The following MAPK8IP2 variants were observed in gnomAD, a reference collection of about 807,000 sequenced individuals.
The protein encoded by MAPK8IP2 is C-Jun-amino-terminal kinase-interacting protein 2.
A neutral mutation model predicts 75.6 loss-of-function variants in MAPK8IP2; 15 were observed. The ratio of observed to expected loss-of-function variants is 0.20; its 90% CI spans 0.13 to 0.31. MAPK8IP2 has a LOEUF of 0.31. Ranked by LOEUF, MAPK8IP2 falls within the 10% of genes least tolerant of loss-of-function variation. The probability of loss-of-function intolerance (pLI) is 1.00; values close to 1 mark genes in which losing one functional copy is unlikely to be tolerated. For synonymous variants in MAPK8IP2, 632 were observed against 554.5 expected (o/e 1.14, Z -1.96); for missense variants, 1,089 against 1,211.2 (o/e 0.90, Z 1.50).
intron 9 of MAPK8IP2, 50 bp downstream of exon 9, chr22:50,606,815 C>T (rs2071060028): frequency 6.3e-7 from 1 of 1,591,646 alleles, no homozygotes; most frequent in Non-Finnish European, 8.6e-7. Context: ...AGGGTTAGGC[C>T]ACGGAGTCCG....
intron 10 of MAPK8IP2, chr22:50,609,869 A>G (rs766258232): frequency 1.9e-6 from 1 of 528,762 alleles, no homozygotes. Flanking sequence ...GGCAGGAGAT[A>G]TGGTCTCCAG....
At chr22:50,608,382 A>G (rs1329060541) in intron 10 of MAPK8IP2, among the ~76,000 whole-genome samples, 3 of 130,644 alleles carry the variant, frequency 2.3e-5, no homozygotes, top group African/African-American at 9.0e-5. Flanking sequence ...AAGGTGGGAC[A>G]GTGGGCAGGG....
intron 1 of MAPK8IP2, 126 bp from the exon 2 acceptor site, chr22:50,601,663 C>T (rs1040263619): frequency 8.1e-5 from 54 of 663,032 alleles, no homozygotes; most frequent in South Asian, 1.0e-4. Flanking sequence ...GGATGTGTTC[C>T]GAGAGCTGGG....
rs1263079093 is a variant in MAPK8IP2 at position 50,607,049 on chromosome 22, A to G, written c.2303+58A>G. On this transcript the variant is annotated intron_variant, in intron 10 of 11. Coordinates refer to ENST00000329492, the MANE Select transcript of MAPK8IP2 (RefSeq NM_012324.6). The surrounding 1 kb of genome is among the most constrained non-coding windows in gnomAD (Gnocchi z 5.6). ...CGCCCCCACAAACCCTGAGAGTCCAACCGCCCCCTGAGTCCCCACAGACCC... is the reference window on the plus strand; with the variant it reads ...CGCCCCCACAAACCCTGAGAGTCCAGCCGCCCCCTGAGTCCCCACAGACCC... 2.8e-6 allele frequency: 4 copies of G among 1,443,660 alleles called. No homozygotes were observed. Among genetic ancestry groups the G allele is most frequent in the African/African-American group, 1.4e-5 (1 of 71,696 alleles). 89.4% of individuals were successfully genotyped at this position (1,443,660 alleles called of 1,614,324 possible). A position where few individuals can be genotyped will look rare whatever the true frequency, so the allele number is the denominator to read the frequency against.
intron 2 of MAPK8IP2, among the ~76,000 whole-genome samples, chr22:50,602,391 T>C (rs1287408188): frequency 1.3e-5 from 2 of 152,232 alleles, no homozygotes; most frequent in South Asian, 2.1e-4. Flanking sequence ...GCAACTGCCA[T>C]GTGGCAAGTA....
At chr22:50,605,252 G>T in intron 5 of MAPK8IP2, 116 bp from the exon 6 acceptor site, 1 of 1,153,436 alleles carries the variant, frequency 8.7e-7, no homozygotes. Flanking sequence ...CCCGCTCGTA[G>T]GACACCTACA....
rs1170627997 is a variant in MAPK8IP2 at position 50,604,368 on chromosome 22, C to T, written c.1069C>T (p.Arg357Cys). ...SPWLLSNLVS[R>C]MISEGSSPIR... The stretch of plus-strand genomic sequence containing the variant: ...CTGGCTGCTCAGCAACCTGGTGAGC[C>T]GCATGATCTCCGAGGGCTCCTCGCC... The change falls in exon 5 of 12, where the codon CGC (arginine) becomes TGC (cysteine). Residue 357 changes from arginine to cysteine, a missense_variant. Arg to Cys is a radical substitution (Grantham distance 180, BLOSUM62 -3). Around this residue, in one of 2 missense-constraint regions of MAPK8IP2, gnomAD observed 960 missense variants for 1,009.6 expected, o/e 0.95. Coordinates refer to ENST00000329492, the MANE Select transcript of MAPK8IP2 (RefSeq NM_012324.6). 6.5e-7 allele frequency: 1 copy of T among 1,532,360 alleles called. No homozygotes were observed. The highest frequency in any genetic ancestry group is 2.0e-5 in the Admixed American group (1 of 50,888). The allele number at this position is 1,532,360 out of a possible 1,614,324, so 94.9% of individuals were successfully genotyped here. A position where few individuals can be genotyped will look rare whatever the true frequency, so the allele number is the denominator to read the frequency against.
chr22:50,601,636 G>A (rs899459743), intron 1 of MAPK8IP2, among the ~76,000 whole-genome samples, 153 bp from the exon 2 acceptor site: 1 of 152,180 alleles, frequency 6.6e-6, no homozygotes, highest in Non-Finnish European at 1.5e-5. Flanking sequence ...CAGAGCTTGG[G>A]GGTCAAGATG....
chr22:50,604,808 G>A lies in MAPK8IP2; in HGVS notation c.1509G>A (p.Ser503=). The A allele has an allele frequency of 6.4e-7, 1 of 1,554,594 alleles. No individual in the cohort carries two copies. The highest frequency in any genetic ancestry group is 8.7e-7 in the Non-Finnish European group (1 of 1,151,332). ...GTGPSAPRDA[S]LVYDAVKYTL... ...GCCCCTCGGCGCCGCGGGACGCGTC[G>A]CTGGTGTACGACGCGGTCAAGTACA... The change falls in exon 5 of 12, where the codon TCG becomes TCA. Residue 503 remains serine, a synonymous_variant. Transcript: ENST00000329492.
At chr22:50,603,157 A>T (rs775980458) in intron 2 of MAPK8IP2, 66 bp from the exon 3 acceptor site, 1 of 1,609,716 alleles carries the variant, frequency 6.2e-7, no homozygotes, top group Non-Finnish European at 8.5e-7. Flanking sequence ...CCCTTCTCCT[A>T]GCACCTGGGC....
Position 50,610,372 on chromosome 22 carries a change from A to C in MAPK8IP2, c.2402+62A>C. ...GCAGGGTTACGGAGGTGGGGAGCGG[A>C]GGTGAGCAGGTGGGGGCAGGAGCCT... On this transcript the variant is annotated intron_variant, in intron 11 of 11. Transcript: ENST00000329492. The surrounding 1 kb of genome is among the most constrained non-coding windows in gnomAD (Gnocchi z 4.3). The C allele has an allele frequency of 7.1e-7, 1 of 1,398,930 alleles. No homozygotes were observed. The highest frequency in any genetic ancestry group is 9.9e-7 in the Non-Finnish European group (1 of 1,011,582). 86.7% of individuals were successfully genotyped at this position (1,398,930 alleles called of 1,614,324 possible). A position where few individuals can be genotyped will look rare whatever the true frequency, so the allele number is the denominator to read the frequency against.
intron 1 of MAPK8IP2, chr22:50,601,422 G>GGAGC (rs1180014284): frequency 4.1e-6 from 1 of 245,930 alleles, no homozygotes; most frequent in Non-Finnish European, 8.3e-6. Context: ...TCCCAGAGCA[G>GGAGC]GAGCGACCCC....
At chr22:50,600,972 G>A (rs1603444184) in intron 1 of MAPK8IP2, 89 bp downstream of exon 1, 2 of 286,798 alleles carry the variant, frequency 7.0e-6, no homozygotes, top group Non-Finnish European at 9.1e-6. Flanking sequence ...CGTCCCCGCC[G>A]CCCCAGCCCC....
chr22:50,609,750 A>G, intron 10 of MAPK8IP2: 1 of 516,174 alleles, frequency 1.9e-6, no homozygotes, highest in Non-Finnish European at 3.9e-6. Flanking sequence ...AGTGGGAGCG[A>G]GGGGTAGACC....
chr22:50,603,401 A>G lies in MAPK8IP2; in HGVS notation c.350A>G (p.Glu117Gly). 1.3e-6 allele frequency: 2 copies of G among 1,558,722 alleles called. No individual in the cohort carries two copies. The highest frequency in any genetic ancestry group is 1.7e-6 in the Non-Finnish European group (2 of 1,152,092). Residue 117 changes from glutamate to glycine, a missense_variant, in exon 3 of 12, where the codon GAG (glutamate) becomes GGG (glycine). By Grantham distance (98) the Glu-to-Gly change is moderately conservative (BLOSUM62 -2). This residue lies in a region of MAPK8IP2 where 960 missense variants were observed against 1,009.6 expected (regional missense o/e 0.95). Transcript: ENST00000329492. ...EGQEGGDPGS[E>G]APAPGPLIPS... ...CAGGAGGGAGGAGACCCTGGCTCAG[A>G]GGCACCTGCCCCCGGGCCCCTTATC... is the stretch of plus-strand genomic sequence containing the variant.
rs2071015390 is a variant in MAPK8IP2, at chr22:50,604,785, C to G, written c.1486C>G (p.Pro496Ala). Reference sequence around the variant, plus strand: ...GTCCCCCGGGGGCAGGGGCACGGGCCCCTCGGCGCCGCGGGACGCGTCGCT... The same window carrying G: ...GTCCCCCGGGGGCAGGGGCACGGGCGCCTCGGCGCCGCGGGACGCGTCGCT... ...AGSPGGRGTG[P>A]SAPRDASLVY... Residue 496 changes from proline (P) to alanine (A), a missense_variant, in exon 5 of 12, where the codon CCC becomes GCC. Around this residue, in one of 2 missense-constraint regions of MAPK8IP2, gnomAD observed 960 missense variants for 1,009.6 expected, o/e 0.95. Transcript: ENST00000329492. The G allele has an allele frequency of 6.5e-7, 1 of 1,546,174 alleles. No homozygotes were observed. Among genetic ancestry groups the G allele is most frequent in the Admixed American group, 2.0e-5 (1 of 50,850 alleles).
In MAPK8IP2 at chr22:50,610,527, T is replaced by C. The variant is rs1376999793; in HGVS notation, c.2403-180T>C. Among the ~76,000 whole-genome samples, 1 of 149,150 alleles carries C rather than the reference T, an allele frequency of 6.7e-6. No homozygotes were observed. The highest frequency in any genetic ancestry group is 1.5e-5 in the Non-Finnish European group (1 of 67,270). Reference sequence around the variant, plus strand: ...CATGGCCCAGGCACTCTGGCAGGGGTAGAATTGCTGGGCCAGGAGAGCTGA... The same window carrying C: ...CATGGCCCAGGCACTCTGGCAGGGGCAGAATTGCTGGGCCAGGAGAGCTGA... On this transcript the variant is annotated intron_variant, in intron 11 of 11. Coordinates refer to ENST00000329492, the MANE Select transcript of MAPK8IP2 (RefSeq NM_012324.6). The surrounding 1 kb of genome is among the most constrained non-coding windows in gnomAD (Gnocchi z 4.3).
intron 8 of MAPK8IP2, among the ~76,000 whole-genome samples, chr22:50,606,182 C>A (rs925515786): frequency 2.6e-5 from 4 of 152,200 alleles, no homozygotes; most frequent in Non-Finnish European, 5.9e-5. Flanking sequence ...GGCCACAGAT[C>A]TTCCAGGTGG....
chr22:50,601,642 A>G, intron 1 of MAPK8IP2, 147 bp from the exon 2 acceptor site: 1 of 622,592 alleles, frequency 1.6e-6, no homozygotes, highest in South Asian at 1.8e-5. Context: ...TTGGGGGTCA[A>G]GATGATGGCA....
Sources: allele counts gnomAD v4.1 joint callset (sites outside exome capture counted in the v4.1 genomes callset), GRCh38; gene constraint gnomAD v4.1.1; regional missense constraint gnomAD v4.1.1; non-coding constraint Gnocchi (gnomAD v3.1); transcripts MANE v1.5; gene names NCBI Gene and HGNC (gene_info 2026-07-23, HGNC 2026-07-21).